The following PGM5 variants were observed in gnomAD, a reference collection of about 807,000 sequenced individuals.
PGM5 encodes the protein phosphoglucomutase 5, also known as phosphoglucomutase-like protein 5.
Under a neutral mutation model 59.2 loss-of-function variants are expected in PGM5, and 23 were observed. The ratio of observed to expected loss-of-function variants is 0.39; its 90% CI spans 0.28 to 0.55. The LOEUF is 0.55. Among genes scored for constraint, PGM5 ranks in the 20% least tolerant of loss-of-function variants. The pLI is 0.66. For synonymous variants in PGM5, 214 were observed against 286.0 expected (o/e 0.75, Z 2.54); for missense variants, 574 against 748.3 (o/e 0.77, Z 2.72).
intron 9 of PGM5, among the ~76,000 whole-genome samples, chr9:68,493,120 C>T (rs1295340782): frequency 1.3e-5 from 2 of 152,248 alleles, no homozygotes; most frequent in South Asian, 2.1e-4. Flanking sequence ...TTGACTAGGT[C>T]CAATGCTGCC....
intron 6 of PGM5, among the ~76,000 whole-genome samples, chr9:68,452,398 G>C (rs77486907): frequency 0.05 from 7,625 of 152,272 alleles, 254 homozygotes; most frequent in African/African-American, 0.096. Context: ...TCCAGAGAAG[G>C]GGGGAGGGTC....
chr9:68,415,176 T>C (rs1235781491), intron 6 of PGM5, among the ~76,000 whole-genome samples: 1 of 149,094 alleles, frequency 6.7e-6, no homozygotes, highest in African/African-American at 2.6e-5. Context: ...ATTCAAGGCC[T>C]ACCACTGTCC....
At chr9:68,508,158 A>G (rs1824688084) in intron 10 of PGM5, among the ~76,000 whole-genome samples, 1 of 152,178 alleles carries the variant, frequency 6.6e-6, no homozygotes, top group Non-Finnish European at 1.5e-5. Context: ...TCCCACAGAC[A>G]GAGCCCATCT....
At chr9:68,385,912 T>C (rs1822206170) in intron 3 of PGM5, among the ~76,000 whole-genome samples, 1 of 151,922 alleles carries the variant, frequency 6.6e-6, no homozygotes, top group African/African-American at 2.4e-5. Context: ...TTTGGGATAA[T>C]TTATGTGCTG....
intron 6 of PGM5, chr9:68,394,465 A>G (rs1563991684): frequency 6.6e-6 from 1 of 152,176 alleles, no homozygotes; most frequent in Non-Finnish European, 1.5e-5. Flanking sequence ...ACAAGAGTGA[A>G]ACTCTGTCTC....
chr9:68,418,770 C>T lies in PGM5; in HGVS notation c.1043+26297C>T, dbSNP rs142057573. On this transcript the variant is annotated intron_variant, in intron 6 of 10. Transcript: ENST00000396396. ...AGATGAACAGCTCCCTTGTCAAGCC[C>T]GCTTTCTCCTTCTCCTGGGAACCCC... Among the ~76,000 whole-genome samples the T allele has an allele frequency of 1.0e-3, 156 of 152,178 alleles. 1 individual carries two copies. In the South Asian group the frequency reaches 0.014, roughly 14 times the overall value.
chr9:68,373,792 C>A (rs186336390), intron 1 of PGM5, among the ~76,000 whole-genome samples: 10 of 152,280 alleles, frequency 6.6e-5, no homozygotes, highest in Non-Finnish European at 8.8e-5. Context: ...CCCTGGTGGG[C>A]AAAGACTCTT....
intron 10 of PGM5, among the ~76,000 whole-genome samples, chr9:68,507,405 T>C (rs1325757404): frequency 6.6e-6 from 1 of 152,212 alleles, no homozygotes; most frequent in Non-Finnish European, 1.5e-5. Context: ...ACGTTGACTG[T>C]TAGAACAATT....
chr9:68,396,854 C>G (rs1435333345), intron 6 of PGM5: 1 of 152,000 alleles, frequency 6.6e-6, no homozygotes, highest in African/African-American at 2.4e-5. Flanking sequence ...AATGCCAGGC[C>G]CTGGAATAAT....
intron 6 of PGM5, among the ~76,000 whole-genome samples, chr9:68,445,858 G>A (rs1432267946): frequency 1.3e-5 from 2 of 152,304 alleles, no homozygotes; most frequent in Middle Eastern, 3.4e-3. Flanking sequence ...GTTTTCTTAC[G>A]TGTAGTTATT....
chr9:68,485,074 T>C (rs1824273166), intron 9 of PGM5, among the ~76,000 whole-genome samples: 1 of 152,214 alleles, frequency 6.6e-6, no homozygotes. Context: ...CAGTTATGGA[T>C]TTTATCTACT....
At chr9:68,507,002 T>C (rs1384724656) in intron 10 of PGM5, among the ~76,000 whole-genome samples, 2 of 152,060 alleles carry the variant, frequency 1.3e-5, no homozygotes, top group African/African-American at 4.8e-5. Context: ...GAAAACAAAT[T>C]CAATTTTAAA....
chr9:68,521,686 C>T (rs1427997329), intron 10 of PGM5, among the ~76,000 whole-genome samples: 2 of 152,204 alleles, frequency 1.3e-5, no homozygotes, highest in Non-Finnish European at 2.9e-5. Flanking sequence ...AGTAATTCCC[C>T]ATCCTTTTAC....
At chr9:68,480,766 A>G (rs925327525) in intron 8 of PGM5, among the ~76,000 whole-genome samples, 8 of 152,116 alleles carry the variant, frequency 5.3e-5, no homozygotes, top group Non-Finnish European at 1.2e-4. Context: ...GGAAACCATT[A>G]TTTTGGAAGG....
At chr9:68,377,672 A>G (rs1184481871) in intron 1 of PGM5, among the ~76,000 whole-genome samples, 1 of 152,256 alleles carries the variant, frequency 6.6e-6, no homozygotes, top group African/African-American at 2.4e-5. Context: ...AACAGCAGAA[A>G]GAGAATTCCT....
At position 68,378,360 on chromosome 9, in the gene PGM5, A is replaced by G; in HGVS notation, c.423A>G (p.Gly141=). The G allele has an allele frequency of 6.3e-7, 1 of 1,592,782 alleles. No individual in the cohort carries two copies. Among genetic ancestry groups the G allele is most frequent in the Non-Finnish European group, 8.5e-7 (1 of 1,172,236 alleles). Residue 141 remains glycine, a splice_region_variant and synonymous_variant, in exon 2 of 11, where the codon GGA becomes GGG. Transcript: ENST00000396396. ...EFGVKFNVAN[G]GPAPDVVSDK... is the part of the protein sequence containing the mutation. ...GAGTGAAGTTTAATGTTGCCAATGG[A>G]GGTATGTGGTTCAGCATATGCCTTA...
chr9:68,394,483 A>G (rs1447184018), intron 6 of PGM5: 1 of 152,138 alleles, frequency 6.6e-6, no homozygotes, highest in African/African-American at 2.4e-5. Context: ...CTCAACAACA[A>G]CAACAAAAAA....
intron 1 of PGM5, among the ~76,000 whole-genome samples, chr9:68,360,807 TAAG>T (rs1215246537): frequency 1.3e-5 from 2 of 152,200 alleles, no homozygotes; most frequent in East Asian, 1.9e-4. Context: ...TTCTAAAAAA[TAAG>T]AACATTTTCC....
chr9:68,465,831 C>T (rs1324208062), intron 7 of PGM5, among the ~76,000 whole-genome samples: 1 of 152,140 alleles, frequency 6.6e-6, no homozygotes, highest in Non-Finnish European at 1.5e-5. Flanking sequence ...AAGTACCCCC[C>T]AGTCTCCTGC....
Sources: allele counts gnomAD v4.1 joint callset (sites outside exome capture counted in the v4.1 genomes callset), GRCh38; gene constraint gnomAD v4.1.1; transcripts MANE v1.5; gene names NCBI Gene and HGNC (gene_info 2026-07-23, HGNC 2026-07-21).